Variants in GPATCH2 observed in about 807,000 individuals in gnomAD.
GPATCH2 encodes G-patch domain containing 2, also known as G patch domain-containing protein 2.
In GPATCH2, 51 loss-of-function variants were observed where a neutral mutation model predicts 58.0. That is an observed-to-expected ratio of 0.88 (90% confidence interval 0.70 to 1.11). The LOEUF (loss-of-function observed/expected upper bound fraction) is 1.11. GPATCH2 is among the 50% of genes most tolerant of loss of function. The pLI, the probability that GPATCH2 is intolerant of heterozygous loss-of-function variation, is 0.00. For missense variants in GPATCH2, 625 were observed against 652.2 expected, an observed-to-expected ratio of 0.96 and a Z score of 0.45; for synonymous variants, 222 against 218.5, an observed-to-expected ratio of 1.02 and a Z score of -0.14.
intron 6 of GPATCH2, among the ~76,000 whole-genome samples, chr1:217,501,820 C>A (rs1662320513): frequency 6.6e-6 from 1 of 152,014 alleles, no homozygotes; most frequent in African/African-American, 2.4e-5. Flanking sequence ...ATAACTATTA[C>A]ATTTTGAAAG....
At chr1:217,459,302 C>T (rs1660093720) in intron 8 of GPATCH2, among the ~76,000 whole-genome samples, 1 of 152,100 alleles carries the variant, frequency 6.6e-6, no homozygotes, top group Admixed American at 6.5e-5. Flanking sequence ...AATTACTATG[C>T]AATGTAATAA....
At chr1:217,536,786 C>T (rs1000947185) in intron 5 of GPATCH2, among the ~76,000 whole-genome samples, 2 of 152,076 alleles carry the variant, frequency 1.3e-5, no homozygotes, top group African/African-American at 4.8e-5. Context: ...ACCAGCCTGA[C>T]CAACATGGTG....
At chr1:217,516,366 A>T (rs559829183) in intron 5 of GPATCH2, among the ~76,000 whole-genome samples, 3 of 152,360 alleles carry the variant, frequency 2.0e-5, no homozygotes, top group Admixed American at 6.5e-5. Flanking sequence ...CACTTGGGTT[A>T]CAAGAATGCC....
At chr1:217,547,651 A>C (rs1272548175) in intron 5 of GPATCH2, among the ~76,000 whole-genome samples, 1 of 152,214 alleles carries the variant, frequency 6.6e-6, no homozygotes, top group Non-Finnish European at 1.5e-5. Context: ...CGGATTTAAG[A>C]ATGTGGCACA....
intron 5 of GPATCH2, among the ~76,000 whole-genome samples, chr1:217,606,919 A>G (rs1668385819): frequency 6.6e-6 from 1 of 151,958 alleles, no homozygotes; most frequent in Non-Finnish European, 1.5e-5. Context: ...ACACAATCTC[A>G]TTTAAAAACC....
At chr1:217,590,947 GTA>G (rs1180115450) in intron 5 of GPATCH2, among the ~76,000 whole-genome samples, 1 of 152,136 alleles carries the variant, frequency 6.6e-6, no homozygotes, top group Non-Finnish European at 1.5e-5. Context: ...GAGAATTCAG[GTA>G]TGAAAATGGA....
intron 9 of GPATCH2, among the ~76,000 whole-genome samples, chr1:217,438,762 G>A (rs979290537): frequency 1.3e-5 from 2 of 152,112 alleles, no homozygotes; most frequent in African/African-American, 4.8e-5. Context: ...GAAAGTGATG[G>A]GGAGAATGGA....
chr1:217,598,486 T>C (rs1045935427), intron 5 of GPATCH2, among the ~76,000 whole-genome samples: 3 of 152,082 alleles, frequency 2.0e-5, no homozygotes, highest in African/African-American at 7.2e-5. Flanking sequence ...TCTCGCTCTG[T>C]TGCCCAGGCT....
chr1:217,469,115 C>T (rs1437969568), intron 8 of GPATCH2, among the ~76,000 whole-genome samples: 1 of 151,574 alleles, frequency 6.6e-6, no homozygotes, highest in Non-Finnish European at 1.5e-5. Flanking sequence ...TGCATAGACC[C>T]CTGGACTGTA....
At chr1:217,619,493 G>A (rs932706352) in intron 2 of GPATCH2, among the ~76,000 whole-genome samples, 1 of 152,112 alleles carries the variant, frequency 6.6e-6, no homozygotes, top group Non-Finnish European at 1.5e-5. Context: ...CAAACGTGCT[G>A]TTATTCAAAA....
chr1:217,622,574 C>T lies in GPATCH2; in HGVS notation c.57-2075G>A, dbSNP rs1211656175. On this transcript the variant is annotated intron_variant, in intron 1 of 9. Transcript: ENST00000366935. The stretch of plus-strand genomic sequence containing the variant: ...TTTTTGTTTGTTTGAGACGGAGTCT[C>T]GCTCTGTTACCCAGGCTGAAGTGCA... Among the ~76,000 whole-genome samples the T allele has an allele frequency of 8.5e-5, 13 of 152,168 alleles. No homozygotes were observed. In the East Asian group the frequency reaches 1.9e-3, roughly 23 times the overall value.
At chr1:217,432,221 T>A (rs1658575572) in intron 9 of GPATCH2, among the ~76,000 whole-genome samples, 1 of 152,038 alleles carries the variant, frequency 6.6e-6, no homozygotes, top group East Asian at 1.9e-4. Flanking sequence ...GTGCTTAACA[T>A]GAAATTTAGA....
chr1:217,586,026 G>C (rs1465759324), intron 5 of GPATCH2, among the ~76,000 whole-genome samples: 2 of 152,166 alleles, frequency 1.3e-5, no homozygotes, highest in African/African-American at 4.8e-5. Context: ...CCTGTATAGG[G>C]CACTTACCAT....
chr1:217,593,804 G>A (rs1012139114), intron 5 of GPATCH2, among the ~76,000 whole-genome samples: 1 of 151,960 alleles, frequency 6.6e-6, no homozygotes, highest in African/African-American at 2.4e-5. Flanking sequence ...GCATTACATA[G>A]CTAGAATAGA....
At chr1:217,536,832 C>T (rs1255429272) in intron 5 of GPATCH2, among the ~76,000 whole-genome samples, 3 of 152,044 alleles carry the variant, frequency 2.0e-5, no homozygotes, top group Non-Finnish European at 2.9e-5. Flanking sequence ...CAAAAATTAG[C>T]CGGGCGTGGT....
intron 5 of GPATCH2, among the ~76,000 whole-genome samples, chr1:217,553,316 T>C (rs1016228790): frequency 1.3e-5 from 2 of 152,168 alleles, no homozygotes; most frequent in South Asian, 4.1e-4. Flanking sequence ...AGGGGCTTCA[T>C]AAATGAATAC....
chr1:217,491,821 A>C, intron 7 of GPATCH2, 71 bp from the exon 8 acceptor site: 1 of 606,424 alleles, frequency 1.6e-6, no homozygotes, highest in Non-Finnish European at 3.0e-6. Flanking sequence ...AAGTAGGAAA[A>C]TATTCTCATT....
At chr1:217,493,812 T>C (rs532462861) in intron 7 of GPATCH2, among the ~76,000 whole-genome samples, 2 of 152,278 alleles carry the variant, frequency 1.3e-5, no homozygotes, top group African/African-American at 4.8e-5. Context: ...ATGAAATCTC[T>C]ACCTCTACAT....
At chr1:217,443,194 G>A (rs1022579270) in intron 9 of GPATCH2, among the ~76,000 whole-genome samples, 19 of 152,078 alleles carry the variant, frequency 1.2e-4, no homozygotes, top group African/African-American at 4.8e-5. Flanking sequence ...AATTTCATTC[G>A]TTTTTAATGG....
Sources: allele counts gnomAD v4.1 joint callset (sites outside exome capture counted in the v4.1 genomes callset), GRCh38; gene constraint gnomAD v4.1.1; transcripts MANE v1.5; gene names NCBI Gene and HGNC (gene_info 2026-07-23, HGNC 2026-07-21).